ARMC9: variants seen among roughly 807,000 people sequenced by gnomAD.
The protein encoded by ARMC9 is armadillo repeat containing 9, also known as lisH domain-containing protein ARMC9.
ARMC9 carries 94 observed loss-of-function variants against 107.0 expected under a neutral mutation model. The observed-to-expected ratio is 0.88, with a 90% CI of 0.74 to 1.04. The LOEUF (loss-of-function observed/expected upper bound fraction) is 1.04, where lower values mean the gene tolerates loss of function less well. Ranked by LOEUF, ARMC9 falls within the 50% of genes least tolerant of loss-of-function variation. ARMC9 has a pLI of 0.00. For missense variants in ARMC9, 942 were observed against 1,030.1 expected, an observed-to-expected ratio of 0.91 and a Z score of 1.17; for synonymous variants, 380 against 396.9, an observed-to-expected ratio of 0.96 and a Z score of 0.51.
At chr2:231,269,186 G>A (rs909716695) in intron 12 of ARMC9, among the ~76,000 whole-genome samples, 3 of 152,126 alleles carry the variant, frequency 2.0e-5, no homozygotes, top group African/African-American at 4.8e-5. Flanking sequence ...CCTTCATGAG[G>A]TATATTTTAA....
rs920895145 is a variant in ARMC9, at chr2:231,362,989, G to A, written c.2261+2106G>A. Reference sequence around the variant, plus strand: ...GCCTCTCACTGCCTCAGAGACAAGCGCAGTGTGCAGGGCACAGAGAGCGTG... The same window carrying A: ...GCCTCTCACTGCCTCAGAGACAAGCACAGTGTGCAGGGCACAGAGAGCGTG... On this transcript the variant is annotated intron_variant, in intron 23 of 24. Transcript: ENST00000611582. The surrounding 1 kb of genome is among the most constrained non-coding windows in gnomAD (Gnocchi z 4.7). Among the ~76,000 whole-genome samples, 3 of 152,218 alleles carry A rather than the reference G, an allele frequency of 2.0e-5. No homozygotes were observed. Among genetic ancestry groups the A allele is most frequent in the Non-Finnish European group, 2.9e-5 (2 of 68,042 alleles).
At chr2:231,277,508 G>A (rs2039861623) in intron 15 of ARMC9, among the ~76,000 whole-genome samples, 1 of 150,370 alleles carries the variant, frequency 6.7e-6, no homozygotes, top group Admixed American at 6.6e-5. Context: ...TGTTGACTGA[G>A]TAAATGACTG....
intron 12 of ARMC9, among the ~76,000 whole-genome samples, chr2:231,262,904 A>G (rs1327313536): frequency 6.6e-6 from 1 of 152,148 alleles, no homozygotes; most frequent in Non-Finnish European, 1.5e-5. Flanking sequence ...TAAGCAAGTT[A>G]CTCAGTCTCA....
At chr2:231,207,515 G>A (rs1056041203) in intron 2 of ARMC9, among the ~76,000 whole-genome samples, 7 of 149,164 alleles carry the variant, frequency 4.7e-5, no homozygotes, top group African/African-American at 9.9e-5. Context: ...TCACTCTGTC[G>A]CCCAGGCAGG....
intron 14 of ARMC9, among the ~76,000 whole-genome samples, chr2:231,273,326 A>G (rs976012558): frequency 3.3e-5 from 5 of 152,226 alleles, no homozygotes; most frequent in African/African-American, 1.2e-4. Context: ...AGTGCCAGCC[A>G]TGCAGGATTG....
In ARMC9 at chr2:231,214,940, T is replaced by C. The variant is rs771925653; in HGVS notation, c.287T>C (p.Leu96Pro). Residue 96 changes from leucine (L) to proline (P), a missense_variant, in exon 4 of 25, where the codon CTG (leucine) becomes CCG (proline). Leu to Pro is a moderately conservative substitution (Grantham distance 98). Coordinates refer to ENST00000611582, the MANE Select transcript of ARMC9 (RefSeq NM_001352754.2). The part of the protein sequence containing the change: ...IRDGDSFAQK[L>P]EFYLHIHFAI... ...GATGGGGACTCCTTTGCCCAGAAGC[T>C]GGAATTCTATCTCCACATCCATTTT... is the stretch of plus-strand genomic sequence containing the variant. 6.2e-7 allele frequency: 1 copy of C among 1,614,208 alleles called. No individual in the cohort carries two copies. Among genetic ancestry groups the C allele is most frequent in the South Asian group, 1.1e-5 (1 of 91,080 alleles).
chr2:231,267,481 T>G (rs1279206609), intron 12 of ARMC9, among the ~76,000 whole-genome samples: 1 of 152,198 alleles, frequency 6.6e-6, no homozygotes, highest in Non-Finnish European at 1.5e-5. Context: ...TCCGCCTGCC[T>G]CAGCCTCCCA....
intron 19 of ARMC9, among the ~76,000 whole-genome samples, chr2:231,331,339 G>T (rs2043718912): frequency 6.6e-6 from 1 of 152,218 alleles, no homozygotes; most frequent in Non-Finnish European, 1.5e-5. Flanking sequence ...AAGCAGAACG[G>T]TGCTGCCCTT....
rs552468888 is a variant in ARMC9, at chr2:231,353,044, A to G, written c.1995-2754A>G. On this transcript the variant is annotated intron_variant, in intron 21 of 24. Transcript: ENST00000611582. ...CAATGATGATCTCAATGGGCATGCA[A>G]TCCATTCCAGCCATGGGATCTAAGA... 1.7e-5 allele frequency among the ~76,000 whole-genome samples: 2 copies of G among 120,000 alleles called. 1 individual carries two copies. The highest frequency in any genetic ancestry group is 1.3e-4 in the African/African-American group (2 of 15,628). 78.7% of individuals were successfully genotyped at this position (120,000 alleles called of 152,430 possible). A position where few individuals can be genotyped will look rare whatever the true frequency, so the allele number is the denominator to read the frequency against.
At chr2:231,235,171 T>C in intron 7 of ARMC9, 53 bp from the exon 8 acceptor site, 1 of 1,544,350 alleles carries the variant, frequency 6.5e-7, no homozygotes, top group Non-Finnish European at 8.8e-7. Context: ...AATACAATTA[T>C]TTTTCATATT....
chr2:231,311,074 C>T (rs1320077930), intron 19 of ARMC9, among the ~76,000 whole-genome samples: 2 of 151,762 alleles, frequency 1.3e-5, no homozygotes, highest in Admixed American at 6.6e-5. Context: ...CTTCAGAGAG[C>T]TGAAATTTGT....
chr2:231,276,253 G>A (rs1172081245), intron 14 of ARMC9, among the ~76,000 whole-genome samples: 1 of 151,524 alleles, frequency 6.6e-6, no homozygotes, highest in African/African-American at 2.4e-5. Flanking sequence ...TTTCTGATAT[G>A]CATTCACATT....
chr2:231,355,697 G>A, intron 21 of ARMC9, 101 bp from the exon 22 acceptor site: 1 of 1,361,060 alleles, frequency 7.3e-7, no homozygotes, highest in Non-Finnish European at 9.8e-7. Context: ...AAGACTTTGA[G>A]GCACCGCCCC....
At position 231,359,019 on chromosome 2, in the gene ARMC9, C is replaced by A. The variant is rs1224533918; in HGVS notation, c.2132-1735C>A. 2.6e-5 allele frequency among the ~76,000 whole-genome samples: 4 copies of A among 151,780 alleles called. No individual in the cohort carries two copies. In the East Asian group the frequency reaches 5.8e-4, roughly 22 times the overall value. ...AGATACTACTGTCCCAGGAAGACCCCGGTGCACACCCATGGCTGCCCCATC... is the reference window on the plus strand; with the variant it reads ...AGATACTACTGTCCCAGGAAGACCCAGGTGCACACCCATGGCTGCCCCATC... On this transcript the variant is annotated intron_variant, in intron 22 of 24. Transcript: ENST00000611582.
At chr2:231,256,321 T>A in intron 9 of ARMC9, 1 of 1,550,174 alleles carries the variant, frequency 6.5e-7, no homozygotes, top group Non-Finnish European at 8.7e-7. Flanking sequence ...GCTTGCTCGC[T>A]GGGTCTTGGA....
At chr2:231,244,774 C>T (rs142654130) in intron 9 of ARMC9, among the ~76,000 whole-genome samples, 306 of 152,334 alleles carry the variant, frequency 2.0e-3, no homozygotes, top group Middle Eastern at 6.8e-3. Context: ...AAGCCTAGCC[C>T]GCTGCCATTG....
chr2:231,326,896 G>T (rs1448516275), intron 19 of ARMC9, among the ~76,000 whole-genome samples: 1 of 152,188 alleles, frequency 6.6e-6, no homozygotes, highest in Non-Finnish European at 1.5e-5. Flanking sequence ...TCATTAGATT[G>T]TTGGGTGGGC....
At chr2:231,296,989 G>T (rs140483285) in intron 19 of ARMC9, among the ~76,000 whole-genome samples, 5 of 152,290 alleles carry the variant, frequency 3.3e-5, no homozygotes, top group Admixed American at 6.5e-5. Flanking sequence ...ATCTATTTTG[G>T]GGGGAGCATT....
intron 21 of ARMC9, among the ~76,000 whole-genome samples, chr2:231,353,051 C>T (rs570620883): frequency 8.2e-6 from 1 of 122,662 alleles, no homozygotes; most frequent in South Asian, 2.2e-4. Context: ...GCAATCCATT[C>T]CAGCCATGGG....
Sources: allele counts gnomAD v4.1 joint callset (sites outside exome capture counted in the v4.1 genomes callset), GRCh38; gene constraint gnomAD v4.1.1; non-coding constraint Gnocchi (gnomAD v3.1); transcripts MANE v1.5; gene names NCBI Gene and HGNC (gene_info 2026-07-23, HGNC 2026-07-21).